Variants in VPS13B observed in about 807,000 individuals in gnomAD.
The protein encoded by VPS13B is vacuolar protein sorting 13 homolog B, also known as intermembrane lipid transfer protein VPS13B.
VPS13B carries 285 observed loss-of-function variants against 426.4 expected under a neutral mutation model. The observed-to-expected ratio is 0.67, with a 90% CI of 0.61 to 0.74. The LOEUF is 0.74. VPS13B is among the 30% of genes least tolerant of loss of function. VPS13B has a pLI of 0.00. For missense variants in VPS13B, 4,537 were observed against 4,782.6 expected (o/e 0.95, Z 1.51); for synonymous variants, 1,676 against 1,676.4 (o/e 1.00, Z 0.01).
intron 19 of VPS13B, among the ~76,000 whole-genome samples, chr8:99,382,479 GT>G (rs1181659309): frequency 6.6e-6 from 1 of 151,976 alleles, no homozygotes; most frequent in Non-Finnish European, 1.5e-5. Flanking sequence ...TTTTCCATTT[GT>G]TTCTGTCATC....
At chr8:99,048,687 C>T (rs1417324211) in intron 3 of VPS13B, among the ~76,000 whole-genome samples, 6 of 151,786 alleles carry the variant, frequency 4.0e-5, no homozygotes, top group African/African-American at 7.3e-5. Flanking sequence ...TGGTAGCGAG[C>T]GCCTGTAATC....
intron 40 of VPS13B, among the ~76,000 whole-genome samples, 154 bp downstream of exon 40, chr8:99,767,124 T>G (rs1349422553): frequency 6.6e-6 from 1 of 151,944 alleles, no homozygotes; most frequent in Non-Finnish European, 1.5e-5. Flanking sequence ...AAAGACAAAA[T>G]CTGATGTTTC....
At chr8:99,173,101 G>T (rs1688974492) in intron 16 of VPS13B, among the ~76,000 whole-genome samples, 1 of 152,148 alleles carries the variant, frequency 6.6e-6, no homozygotes, top group Non-Finnish European at 1.5e-5. Context: ...GGACTTCTAA[G>T]TTCCCATTTT....
chr8:99,419,215 C>A (rs918161286), intron 21 of VPS13B, among the ~76,000 whole-genome samples: 4 of 152,154 alleles, frequency 2.6e-5, no homozygotes, highest in Non-Finnish European at 5.9e-5. Context: ...GGCACTTCCT[C>A]ACTCCCTATC....
chr8:99,440,870 A>G (rs1817648126), intron 22 of VPS13B, among the ~76,000 whole-genome samples: 1 of 152,082 alleles, frequency 6.6e-6, no homozygotes, highest in South Asian at 2.1e-4. Flanking sequence ...TACCTACATG[A>G]AGTGTTAAAT....
intron 57 of VPS13B, among the ~76,000 whole-genome samples, chr8:99,860,263 G>T (rs1450951940): frequency 6.6e-6 from 1 of 152,192 alleles, no homozygotes; most frequent in African/African-American, 2.4e-5. Context: ...CCATAGAGCG[G>T]GTGAGGGACT....
At chr8:99,341,892 G>C (rs1411672152) in intron 19 of VPS13B, 1 of 165,262 alleles carries the variant, frequency 6.1e-6, no homozygotes, top group African/African-American at 2.4e-5. Flanking sequence ...CCAAACCGCA[G>C]CCTGGCCTGG....
intron 15 of VPS13B, among the ~76,000 whole-genome samples, chr8:99,165,461 T>C (rs910668840): frequency 1.3e-5 from 2 of 152,214 alleles, no homozygotes; most frequent in Non-Finnish European, 2.9e-5. Flanking sequence ...TTGAAACATA[T>C]GTAGAAAATT....
intron 25 of VPS13B, 111 bp downstream of exon 25, chr8:99,481,913 C>T: frequency 7.7e-7 from 1 of 1,303,566 alleles, no homozygotes; most frequent in Non-Finnish European, 1.1e-6. Flanking sequence ...CTGATAGATT[C>T]TGAAGGTTCA....
Position 99,819,576 on chromosome 8 carries a change from C to A in VPS13B, c.8786C>A (p.Ser2929Tyr). The A allele has an allele frequency of 6.2e-7, 1 of 1,613,498 alleles. No individual in the cohort carries two copies. Among genetic ancestry groups the A allele is most frequent in the Admixed American group, 1.7e-5 (1 of 59,900 alleles). ...QPIWPYNKKD[S>Y]DRNEQLSQWD... ...ATATGGCCCTATAATAAGAAGGATTCTGACAGGTAATATTCTTCAGTGATC... is the reference window on the plus strand; with the variant it reads ...ATATGGCCCTATAATAAGAAGGATTATGACAGGTAATATTCTTCAGTGATC... The change falls in exon 48 of 62, where the codon TCT becomes TAT. Residue 2929 changes from serine to tyrosine, a missense_variant. Around this residue, in one of 2 missense-constraint regions of VPS13B, gnomAD observed 4,311 missense variants for 4,474.3 expected, o/e 0.96. Transcript: ENST00000357162.
chr8:99,556,636 G>A lies in VPS13B; in HGVS notation c.4932G>A (p.Glu1644=), dbSNP rs775791528. ...GGAATTCTCAAAATCCAGCCCTTGA[G>A]TGGAATATGGCCAGCAGGTAGGAAA... ...TERNSQNPAL[E]WNMASSIRRH... Residue 1644 remains glutamate, a synonymous_variant, in exon 31 of 62, where the codon GAG becomes GAA. Coordinates refer to ENST00000357162, the MANE Select transcript of VPS13B (RefSeq NM_152564.5). The A allele has an allele frequency of 1.2e-6, 2 of 1,612,914 alleles. No individual in the cohort carries two copies. Among genetic ancestry groups the A allele is most frequent in the Non-Finnish European group, 8.5e-7 (1 of 1,179,424 alleles).
intron 19 of VPS13B, among the ~76,000 whole-genome samples, chr8:99,299,391 T>C (rs1196424598): frequency 2.0e-5 from 3 of 152,050 alleles, no homozygotes; most frequent in South Asian, 2.1e-4. Flanking sequence ...CGTTTTAATT[T>C]CTTCATTAAA....
chr8:99,108,660 G>C (rs191784758), intron 5 of VPS13B, among the ~76,000 whole-genome samples: 2 of 151,964 alleles, frequency 1.3e-5, no homozygotes, highest in African/African-American at 4.8e-5. Context: ...TGCCAGTACC[G>C]TACTGTTTTG....
intron 19 of VPS13B, among the ~76,000 whole-genome samples, chr8:99,304,961 C>T (rs7839332): frequency 0.82 from 125,371 of 152,036 alleles, 52,199 homozygotes; most frequent in South Asian, 0.89. Context: ...ATGTGCATAT[C>T]ATCCTCCCAT....
chr8:99,804,857 G>T (rs1210818053), intron 43 of VPS13B, among the ~76,000 whole-genome samples: 2 of 151,974 alleles, frequency 1.3e-5, no homozygotes, highest in African/African-American at 2.4e-5. Context: ...AAAAAGCCAG[G>T]CATGGTGGCA....
chr8:99,024,534 A>C (rs746990554), intron 2 of VPS13B, among the ~76,000 whole-genome samples: 1 of 152,128 alleles, frequency 6.6e-6, no homozygotes, highest in Non-Finnish European at 1.5e-5. Context: ...TCCAGTTTTC[A>C]TGGCACCATT....
In VPS13B at chr8:99,255,457, A is replaced by G. The variant is rs150846310; in HGVS notation, c.2516-18741A>G. Among the ~76,000 whole-genome samples the G allele has an allele frequency of 3.2e-3, 480 of 151,910 alleles. 2 individuals are homozygous for G. The highest frequency in any genetic ancestry group is 0.01 in the African/African-American group (424 of 41,382). Reference sequence around the variant, plus strand: ...TGAGTGATTTTTATTTGAAACCTGGATGTTTGGATATTGTTTTCCGAGATT... The same window carrying G: ...TGAGTGATTTTTATTTGAAACCTGGGTGTTTGGATATTGTTTTCCGAGATT... On this transcript the variant is annotated intron_variant, in intron 17 of 61. Coordinates refer to ENST00000357162, the MANE Select transcript of VPS13B (RefSeq NM_152564.5).
intron 21 of VPS13B, among the ~76,000 whole-genome samples, chr8:99,422,506 C>A (rs181620209): frequency 1.0e-3 from 158 of 151,964 alleles, no homozygotes; most frequent in African/African-American, 3.5e-3. Flanking sequence ...AAATTTTGAC[C>A]GTGAGGCTTT....
chr8:99,226,628 G>T (rs541043616), intron 17 of VPS13B, among the ~76,000 whole-genome samples: 1 of 152,088 alleles, frequency 6.6e-6, no homozygotes, highest in Non-Finnish European at 1.5e-5. Flanking sequence ...TGACTCTTGG[G>T]CATTGCCTTT....
Sources: allele counts gnomAD v4.1 joint callset (sites outside exome capture counted in the v4.1 genomes callset), GRCh38; gene constraint gnomAD v4.1.1; regional missense constraint gnomAD v4.1.1; transcripts MANE v1.5; gene names NCBI Gene and HGNC (gene_info 2026-07-23, HGNC 2026-07-21).